Variants in AGBL4 observed in about 807,000 individuals in gnomAD.
AGBL4 encodes cytosolic carboxypeptidase 6.
AGBL4 carries 58 observed loss-of-function variants against 66.4 expected under a neutral mutation model. The observed-to-expected ratio is 0.87, with a 90% confidence interval of 0.71 to 1.09. The LOEUF (loss-of-function observed/expected upper bound fraction) is 1.09, where lower values mean the gene tolerates loss of function less well. Ranked by LOEUF, AGBL4 falls within the 50% of genes least tolerant of loss-of-function variation. The pLI is 0.00. For synonymous variants in AGBL4, 234 were observed against 222.9 expected (o/e 1.05, Z -0.44); for missense variants, 579 against 631.0 (o/e 0.92, Z 0.88).
chr1:50,000,031 G>C (rs144294849), intron 1 of AGBL4, among the ~76,000 whole-genome samples: 2 of 151,866 alleles, frequency 1.3e-5, no homozygotes, highest in Non-Finnish European at 2.9e-5. Flanking sequence ...CATGACCAAG[G>C]ATCCAAAAGC....
At chr1:48,737,764 C>T (rs1287499608) in intron 6 of AGBL4, among the ~76,000 whole-genome samples, 1 of 152,148 alleles carries the variant, frequency 6.6e-6, no homozygotes, top group East Asian at 1.9e-4. Flanking sequence ...TTAGATCTCA[C>T]AAGTCATTTA....
At chr1:49,002,543 A>G (rs1661471269) in intron 5 of AGBL4, among the ~76,000 whole-genome samples, 5 of 152,262 alleles carry the variant, frequency 3.3e-5, no homozygotes, top group Admixed American at 3.3e-4. Flanking sequence ...AATCTTGGCA[A>G]CCAAAAATAG....
chr1:48,534,228 C>T lies in AGBL4; in HGVS notation c.1457G>A (p.Ser486Asn), dbSNP rs1643933289. Residue 486 changes from serine (S) to asparagine (N), a missense_variant, in exon 14 of 14, where the codon AGC becomes AAC. Coordinates refer to ENST00000371839, the MANE Select transcript of AGBL4 (RefSeq NM_032785.4). ...CACTGAGCTCTTCTTGTCCCCTTTGCTGTTGGGGTAGTTGCTGGCTGGGCC... is the reference window on the plus strand; with the variant it reads ...CACTGAGCTCTTCTTGTCCCCTTTGTTGTTGGGGTAGTTGCTGGCTGGGCC... ...LRGPASNYPN[S>N]KGDKKSSVNH... is the part of the protein sequence containing the mutation. The T allele has an allele frequency of 7.1e-6, 11 of 1,551,652 alleles. No homozygotes were observed. The highest frequency in any genetic ancestry group is 7.0e-6 in the Non-Finnish European group (8 of 1,146,958).
At chr1:48,684,411 T>A (rs925275744) in intron 6 of AGBL4, among the ~76,000 whole-genome samples, 9 of 152,216 alleles carry the variant, frequency 5.9e-5, no homozygotes, top group Non-Finnish European at 1.5e-5. Flanking sequence ...ACTAACGTAG[T>A]CATAGGCTGA....
rs537190151 is a variant in AGBL4, at chr1:49,316,918, A to T, written c.283-71054T>A. 2.6e-5 allele frequency among the ~76,000 whole-genome samples: 4 copies of T among 152,034 alleles called. No homozygotes were observed. In the South Asian group the frequency reaches 8.3e-4, roughly 31 times the overall value. ...AATTCCTTTAGAAGCACCTTAGAAA[A>T]AAACATTTAATGTATAAAAAAAATT... On this transcript the variant is annotated intron_variant, in intron 3 of 13. Coordinates refer to ENST00000371839, the MANE Select transcript of AGBL4 (RefSeq NM_032785.4).
Position 50,023,844 on chromosome 1 carries a change from T to C in AGBL4, c.-48A>G, listed in dbSNP as rs963491418. On this transcript the variant is annotated 5_prime_UTR_variant, in exon 1 of 14. Transcript: ENST00000371839. ...AGCTCACGCGAAGACCGCGGGGCAG[T>C]AGGGAGCGGGTGGTGGGATCAGTGG... 4 of 1,538,194 alleles carry C rather than the reference T, an allele frequency of 2.6e-6. No individual in the cohort carries two copies. The African/African-American group carries it at 4.2e-5, about 16-fold the overall frequency.
chr1:49,702,489 C>A (rs993145204), intron 2 of AGBL4, among the ~76,000 whole-genome samples: 3 of 151,488 alleles, frequency 2.0e-5, no homozygotes, highest in African/African-American at 7.3e-5. Context: ...GGCTCCGTCC[C>A]AAAAAAATAA....
At chr1:49,741,394 T>C (rs1005832658) in intron 2 of AGBL4, among the ~76,000 whole-genome samples, 27 of 152,248 alleles carry the variant, frequency 1.8e-4, no homozygotes, top group African/African-American at 6.5e-4. Context: ...GGCTCTGAAA[T>C]TGAGGCAATG....
chr1:49,510,580 T>G (rs1210540171), intron 3 of AGBL4, among the ~76,000 whole-genome samples: 2 of 151,156 alleles, frequency 1.3e-5, no homozygotes, highest in African/African-American at 2.4e-5. Flanking sequence ...AGAAGCTCTT[T>G]AGTTTAATTA....
chr1:48,894,521 T>C (rs547660448), intron 5 of AGBL4, among the ~76,000 whole-genome samples: 3 of 152,270 alleles, frequency 2.0e-5, no homozygotes, highest in Admixed American at 2.0e-4. Context: ...ATTATGTGCA[T>C]TAATACAATA....
At chr1:48,860,858 A>G (rs531764776) in intron 6 of AGBL4, among the ~76,000 whole-genome samples, 1 of 152,354 alleles carries the variant, frequency 6.6e-6, no homozygotes, top group Admixed American at 6.5e-5. Context: ...TACAAATTAA[A>G]ATTTCAAAAC....
At chr1:49,122,944 C>T (rs1311647031) in intron 4 of AGBL4, among the ~76,000 whole-genome samples, 1 of 152,108 alleles carries the variant, frequency 6.6e-6, no homozygotes, top group Non-Finnish European at 1.5e-5. Context: ...ACCTCCGCCT[C>T]CCAGATTCAA....
chr1:49,721,245 A>C (rs10788916), intron 2 of AGBL4, among the ~76,000 whole-genome samples: 104,328 of 152,000 alleles, frequency 0.69, 36,574 homozygotes, highest in African/African-American at 0.78. Flanking sequence ...AAGCTGGACA[A>C]CCCAGCCAAC....
chr1:49,327,550 T>A (rs1645250185), intron 3 of AGBL4, among the ~76,000 whole-genome samples: 1 of 152,226 alleles, frequency 6.6e-6, no homozygotes, highest in Admixed American at 6.5e-5. Flanking sequence ...GGCTGCTCTC[T>A]GCTTCCAAGA....
At chr1:49,252,263 T>C (rs769981781) in intron 3 of AGBL4, among the ~76,000 whole-genome samples, 2 of 152,092 alleles carry the variant, frequency 1.3e-5, no homozygotes, top group African/African-American at 2.4e-5. Flanking sequence ...CATAATGCAA[T>C]TGCAAGTATT....
chr1:48,931,899 T>C (rs1655068475), intron 5 of AGBL4, among the ~76,000 whole-genome samples: 1 of 152,150 alleles, frequency 6.6e-6, no homozygotes, highest in East Asian at 1.9e-4. Flanking sequence ...ACGAATGTGG[T>C]TACCTTCCTT....
At chr1:49,405,516 C>T (rs1489009998) in intron 3 of AGBL4, among the ~76,000 whole-genome samples, 2 of 152,100 alleles carry the variant, frequency 1.3e-5, no homozygotes, top group Non-Finnish European at 2.9e-5. Flanking sequence ...AACCATGGTG[C>T]CTAGTAAATA....
At chr1:49,323,899 C>T (rs1288068516) in intron 3 of AGBL4, among the ~76,000 whole-genome samples, 1 of 152,174 alleles carries the variant, frequency 6.6e-6, no homozygotes, top group African/African-American at 2.4e-5. Flanking sequence ...ACTCTCTTAG[C>T]ATTTAGTTTA....
chr1:48,924,279 T>TATAAATAA lies in AGBL4; in HGVS notation c.595-57057_595-57050dup, dbSNP rs56391090. Among the ~76,000 whole-genome samples the TATAAATAA allele has an allele frequency of 6.4e-3, 958 of 148,590 alleles. 7 individuals carry two copies. Among genetic ancestry groups the TATAAATAA allele is most frequent in the African/African-American group, 7.8e-3 (311 of 40,068 alleles). Reference sequence around the variant, plus strand: ...ACACATGTACCTGCTGAATCTAAAATATAAATAAATAAATAAATAAATAAA... The same window carrying TATAAATAA: ...ACACATGTACCTGCTGAATCTAAAATATAAATAAATAAATAAATAAATAAATAAATAAA... On this transcript the variant is annotated intron_variant, in intron 5 of 13. Coordinates refer to ENST00000371839, the MANE Select transcript of AGBL4 (RefSeq NM_032785.4).
Sources: allele counts gnomAD v4.1 joint callset (sites outside exome capture counted in the v4.1 genomes callset), GRCh38; gene constraint gnomAD v4.1.1; transcripts MANE v1.5; gene names NCBI Gene and HGNC (gene_info 2026-07-23, HGNC 2026-07-21).